Variants in IL1RAPL1 observed in about 807,000 individuals in gnomAD.
The protein encoded by IL1RAPL1 is interleukin 1 receptor accessory protein like 1, also known as interleukin-1 receptor accessory protein-like 1.
A neutral mutation model predicts 48.4 loss-of-function variants in IL1RAPL1; 3 were observed. The observed-to-expected ratio is 0.06, with a 90% CI of 0.03 to 0.16. The LOEUF (loss-of-function observed/expected upper bound fraction) is 0.16. Among genes scored for constraint, IL1RAPL1 ranks in the 10% least tolerant of loss-of-function variants. The pLI is 1.00. For synonymous variants in IL1RAPL1, 185 were observed against 187.7 expected, an observed-to-expected ratio of 0.99 and a Z score of 0.12; for missense variants, 349 against 530.6, an observed-to-expected ratio of 0.66 and a Z score of 3.36.
At chrX:29,658,875 C>T (rs909711539) in intron 5 of IL1RAPL1, among the ~76,000 whole-genome samples, 1 of 111,578 alleles carries the variant, frequency 9.0e-6, no homozygotes, top group African/African-American at 3.3e-5. Flanking sequence ...TAAAGTATTC[C>T]TAATTATAAT....
At chrX:29,581,491 A>G (rs1922958896) in intron 5 of IL1RAPL1, among the ~76,000 whole-genome samples, 1 of 111,820 alleles carries the variant, frequency 8.9e-6, no homozygotes, top group Admixed American at 9.5e-5. Context: ...AGAGTGCCAC[A>G]GAACTGTCAG....
intron 8 of IL1RAPL1, among the ~76,000 whole-genome samples, chrX:29,935,348 AATT>A (rs931204308): frequency 9.0e-6 from 1 of 111,579 alleles, no homozygotes; most frequent in South Asian, 3.7e-4. Flanking sequence ...TGCCTGAATC[AATT>A]ATTATTATGA....
At chrX:29,253,020 A>G (rs1429012654) in intron 2 of IL1RAPL1, among the ~76,000 whole-genome samples, 1 of 111,337 alleles carries the variant, frequency 9.0e-6, no homozygotes, top group Non-Finnish European at 1.9e-5. Context: ...TCATTATTTT[A>G]GTAATTTTTA....
At position 29,922,792 on chromosome X, in the gene IL1RAPL1, G is replaced by A. The variant is rs550793982; in HGVS notation, c.1057+2698G>A. 2.9e-4 allele frequency among the ~76,000 whole-genome samples: 33 copies of A among 112,047 alleles called. No individual in the cohort carries two copies. The South Asian group carries it at 9.7e-3, about 33-fold the overall frequency. On this transcript the variant is annotated intron_variant, in intron 8 of 10. Coordinates refer to ENST00000378993, the MANE Select transcript of IL1RAPL1 (RefSeq NM_014271.4). ...ATCAGGTGAGTTGCTATATTACTCA[G>A]AATACTAAGGCTTAGATAAGGAACT...
intron 3 of IL1RAPL1, among the ~76,000 whole-genome samples, chrX:29,309,673 C>T (rs760793939): frequency 6.4e-5 from 7 of 109,829 alleles, no homozygotes; most frequent in South Asian, 7.9e-4. Flanking sequence ...ATTAGCCGGA[C>T]GTGGTGACGG....
At chrX:28,724,949 G>GTTTTTTTTT (rs749264109) in intron 1 of IL1RAPL1, among the ~76,000 whole-genome samples, 1 of 81,741 alleles carries the variant, frequency 1.2e-5, no homozygotes, top group Non-Finnish European at 2.4e-5. Flanking sequence ...AACTCAATTT[G>GTTTTTTTTT]TTTTTTTTTT....
intron 2 of IL1RAPL1, among the ~76,000 whole-genome samples, chrX:28,846,348 C>T (rs1921508521): frequency 8.9e-6 from 1 of 111,925 alleles, no homozygotes; most frequent in Non-Finnish European, 1.9e-5. Context: ...TTGGTTGCAT[C>T]TGAGTTTTTG....
At chrX:29,637,382 A>G (rs1925005934) in intron 5 of IL1RAPL1, among the ~76,000 whole-genome samples, 1 of 109,362 alleles carries the variant, frequency 9.1e-6, no homozygotes, top group South Asian at 3.9e-4. Context: ...CCAATTTATA[A>G]CAGTGGTTGT....
intron 2 of IL1RAPL1, among the ~76,000 whole-genome samples, chrX:28,872,360 T>C (rs1447428410): frequency 8.9e-6 from 1 of 111,996 alleles, no homozygotes; most frequent in Non-Finnish European, 1.9e-5. Flanking sequence ...TTCTTAAAAC[T>C]ATCCCACTTT....
In IL1RAPL1 at chrX:28,930,942, A is replaced by AT. The variant is rs1179920245; in HGVS notation, c.82+141529dup. Among the ~76,000 whole-genome samples, 230 of 103,570 alleles carry AT rather than the reference A, an allele frequency of 2.2e-3. 1 individual carries two copies. The highest frequency in any genetic ancestry group is 5.8e-3 in the South Asian group (14 of 2,418). The allele number at this position is 103,570 out of a possible 115,157, so 89.9% of individuals were successfully genotyped here. ...AAGCGTGAGCCACCGCGCCCAGCCG[A>AT]TTTTTTTTTTTTCCTGCAAAACCAT... On this transcript the variant is annotated intron_variant, in intron 2 of 10. Coordinates refer to ENST00000378993, the MANE Select transcript of IL1RAPL1 (RefSeq NM_014271.4).
intron 2 of IL1RAPL1, among the ~76,000 whole-genome samples, chrX:29,262,987 C>CT (rs1431003522): frequency 3.6e-5 from 4 of 111,333 alleles, no homozygotes; most frequent in African/African-American, 1.3e-4. Context: ...GTATATAATC[C>CT]TTTGCTGATG....
chrX:29,449,493 A>G (rs1339968060), intron 5 of IL1RAPL1, among the ~76,000 whole-genome samples: 5 of 110,720 alleles, frequency 4.5e-5, no homozygotes, highest in Admixed American at 9.6e-5. Flanking sequence ...ATGTGTAACT[A>G]AAAGGAATAA....
chrX:28,803,365 A>G (rs1936695629), intron 2 of IL1RAPL1, among the ~76,000 whole-genome samples: 1 of 111,565 alleles, frequency 9.0e-6, no homozygotes, highest in South Asian at 3.7e-4. Context: ...TCTATTGGAC[A>G]GGCCTTGGAA....
chrX:28,880,012 T>C (rs1321895470), intron 2 of IL1RAPL1, among the ~76,000 whole-genome samples: 1 of 112,011 alleles, frequency 8.9e-6, no homozygotes, highest in Non-Finnish European at 1.9e-5. Context: ...TCTTTTTCTT[T>C]GGACCTTGCT....
At chrX:28,952,789 A>T (rs976962759) in intron 2 of IL1RAPL1, among the ~76,000 whole-genome samples, 1 of 111,684 alleles carries the variant, frequency 9.0e-6, no homozygotes, top group Non-Finnish European at 1.9e-5. Flanking sequence ...TATTTTTAAA[A>T]GGTTAAACAA....
At chrX:29,332,879 T>C (rs1932902814) in intron 3 of IL1RAPL1, among the ~76,000 whole-genome samples, 2 of 109,569 alleles carry the variant, frequency 1.8e-5, no homozygotes, top group Non-Finnish European at 3.8e-5. Context: ...CAAGCATCTG[T>C]TTAACAAAGC....
At chrX:29,020,664 G>T (rs1022073960) in intron 2 of IL1RAPL1, among the ~76,000 whole-genome samples, 4 of 111,900 alleles carry the variant, frequency 3.6e-5, no homozygotes, top group Non-Finnish European at 7.5e-5. Context: ...AGGAAAGTAG[G>T]AGGAGGAGAT....
At chrX:29,489,269 C>T (rs1318395907) in intron 5 of IL1RAPL1, among the ~76,000 whole-genome samples, 1 of 100,649 alleles carries the variant, frequency 9.9e-6, no homozygotes, top group Non-Finnish European at 2.0e-5. Context: ...ACAATACATA[C>T]TTCAAAACAT....
chrX:29,349,345 G>T (rs1933192478), intron 3 of IL1RAPL1, among the ~76,000 whole-genome samples: 1 of 111,984 alleles, frequency 8.9e-6, no homozygotes, highest in African/African-American at 3.2e-5. Flanking sequence ...TGGCCAGTTT[G>T]TACACAGATA....
Sources: gnomAD v4.1 joint callset for allele counts (sites outside exome capture counted in the v4.1 genomes callset) on GRCh38, gnomAD v4.1.1 for gene constraint, MANE v1.5 for transcripts, NCBI Gene and HGNC (gene_info 2026-07-23, HGNC 2026-07-21) for gene names.